Variants in KMT2C observed in about 807,000 individuals in gnomAD.
The protein encoded by KMT2C is lysine methyltransferase 2C, also known as histone-lysine N-methyltransferase 2C.
In KMT2C, 88 loss-of-function variants were observed where a neutral mutation model predicts 507.9. That is an observed-to-expected ratio of 0.17 (90% CI 0.15 to 0.21). The LOEUF is 0.21. Among genes scored for constraint, KMT2C ranks in the 10% least tolerant of loss-of-function variants. The pLI, the probability that KMT2C is intolerant of heterozygous loss-of-function variation, is 1.00. For synonymous variants in KMT2C, 2,049 were observed against 2,080.8 expected (o/e 0.98, Z 0.42); for missense variants, 4,954 against 5,957.8 (o/e 0.83, Z 5.55).
chr7:152,175,141 G>T (rs555664363), intron 38 of KMT2C, among the ~76,000 whole-genome samples: 3 of 96,868 alleles, frequency 3.1e-5, no homozygotes, highest in Non-Finnish European at 5.8e-5. Context: ...AAAACTCTTC[G>T]TTGTTTTCAT....
In KMT2C at chr7:152,341,235, G is replaced by A. The variant is rs375611395; in HGVS notation, c.251-10496C>T. Among the ~76,000 whole-genome samples the A allele has an allele frequency of 4.1e-4, 63 of 152,264 alleles. 1 individual carries two copies. The highest frequency in any genetic ancestry group is 1.5e-3 in the African/African-American group (61 of 41,558). The stretch of plus-strand genomic sequence containing the variant: ...GATGCCAGCAGAGCAGAACTGCCCA[G>A]CCAAGCCTGACCTAAATTCCTAACC... On this transcript the variant is annotated intron_variant, in intron 2 of 58. Coordinates refer to ENST00000262189, the MANE Select transcript of KMT2C (RefSeq NM_170606.3).
chr7:152,193,135 C>T (rs1283889884), intron 31 of KMT2C, among the ~76,000 whole-genome samples: 1 of 152,150 alleles, frequency 6.6e-6, no homozygotes, highest in African/African-American at 2.4e-5. Context: ...GTGTTCACAC[C>T]ACTGCATGTC....
intron 31 of KMT2C, among the ~76,000 whole-genome samples, chr7:152,189,053 A>G (rs2093712785): frequency 6.6e-6 from 1 of 152,150 alleles, no homozygotes. Context: ...CAGCCCCCAA[A>G]CACATTTGAA....
chr7:152,247,561 G>A (rs1259988801), intron 14 of KMT2C, among the ~76,000 whole-genome samples: 1 of 152,310 alleles, frequency 6.6e-6, no homozygotes, highest in Non-Finnish European at 1.5e-5. Context: ...GTTAGTTACT[G>A]TATACCCAAA....
At chr7:152,332,609 G>A (rs1210664093) in intron 2 of KMT2C, among the ~76,000 whole-genome samples, 1 of 152,258 alleles carries the variant, frequency 6.6e-6, no homozygotes, top group African/African-American at 2.4e-5. Flanking sequence ...ACTTTGGGAG[G>A]CCAAGGTGGG....
rs2129120428 is a variant in KMT2C at position 152,181,839 on chromosome 7, A to G, written c.6021T>C (p.Phe2007=). 6.2e-7 allele frequency: 1 copy of G among 1,614,148 alleles called. No homozygotes were observed. Among genetic ancestry groups the G allele is most frequent in the Non-Finnish European group, 8.5e-7 (1 of 1,180,016 alleles). The stretch of plus-strand genomic sequence containing the variant: ...CATCTGCCCTAGGAGATGGTTTAGT[A>G]AAGTGATCACTGGTTCCAGCTGCTA... ...GPIAAGTSDH[F]TKPSPRADVF... is the part of the protein sequence containing the mutation. The change falls in exon 36 of 59, where the codon TTT becomes TTC. Residue 2007 remains phenylalanine, a synonymous_variant. Transcript: ENST00000262189.
chr7:152,348,983 T>G (rs1032261299), intron 2 of KMT2C, among the ~76,000 whole-genome samples: 21 of 152,194 alleles, frequency 1.4e-4, no homozygotes, highest in African/African-American at 3.6e-4. Context: ...GTTGAAAACT[T>G]ACATCCACAA....
intron 1 of KMT2C, among the ~76,000 whole-genome samples, chr7:152,380,589 C>A (rs1429013839): frequency 1.3e-5 from 2 of 149,158 alleles, no homozygotes; most frequent in Admixed American, 1.3e-4. Context: ...AAAAAAAAAA[C>A]TAGCCGGGCA....
intron 9 of KMT2C, among the ~76,000 whole-genome samples, chr7:152,255,123 A>ATATATG (rs1554583720): frequency 8.9e-6 from 1 of 112,632 alleles, no homozygotes; most frequent in Non-Finnish European, 1.7e-5. Context: ...ATATATATAT[A>ATATATG]TATATATATA....
intron 5 of KMT2C, among the ~76,000 whole-genome samples, 192 bp downstream of exon 5, chr7:152,311,606 G>A (rs1217306992): frequency 6.6e-6 from 1 of 151,930 alleles, no homozygotes; most frequent in African/African-American, 2.4e-5. Context: ...GTCCGGTGGT[G>A]GTACTGTACA....
chr7:152,164,142 T>C (rs2092608365), intron 42 of KMT2C, among the ~76,000 whole-genome samples: 1 of 152,116 alleles, frequency 6.6e-6, no homozygotes, highest in African/African-American at 2.4e-5. Context: ...ATACTATACA[T>C]AAAAAATATA....
intron 28 of KMT2C, chr7:152,195,604 C>G (rs988127505): frequency 1.1e-6 from 1 of 939,892 alleles, no homozygotes; most frequent in Non-Finnish European, 1.3e-6. Context: ...TGGATGATTA[C>G]CACAGGAGCA....
rs549942776 is a variant in KMT2C at position 152,283,338 on chromosome 7, G to A, written c.850-9471C>T. Among the ~76,000 whole-genome samples, 6 of 152,306 alleles carry A rather than the reference G, an allele frequency of 3.9e-5. No individual in the cohort carries two copies. The East Asian group carries it at 7.7e-4, about 20-fold the overall frequency. ...AGAAGAGTTAAATACTTCAAAAAGTGGGAAAAAATTTAAAAGCTTTCATTT... is the reference window on the plus strand; with the variant it reads ...AGAAGAGTTAAATACTTCAAAAAGTAGGAAAAAATTTAAAAGCTTTCATTT... On this transcript the variant is annotated intron_variant, in intron 6 of 58. Transcript: ENST00000262189.
chr7:152,258,624 A>C (rs2095703492), intron 9 of KMT2C, among the ~76,000 whole-genome samples: 1 of 152,076 alleles, frequency 6.6e-6, no homozygotes, highest in Non-Finnish European at 1.5e-5. Flanking sequence ...TCCCGGGTTC[A>C]AGCAATTCTC....
At chr7:152,182,860 C>A in intron 35 of KMT2C, 114 bp downstream of exon 35, 1 of 779,172 alleles carries the variant, frequency 1.3e-6, no homozygotes, top group Non-Finnish European at 2.0e-6. Context: ...ACAAGTCTAT[C>A]CTAAATCAAA....
intron 1 of KMT2C, among the ~76,000 whole-genome samples, chr7:152,380,601 A>C (rs1212613821): frequency 2.0e-5 from 3 of 151,316 alleles, no homozygotes; most frequent in African/African-American, 4.9e-5. Flanking sequence ...AGCCGGGCAC[A>C]GTATTGCGCA....
chr7:152,205,395 C>CAA (rs35077313), intron 24 of KMT2C, among the ~76,000 whole-genome samples, 170 bp from the exon 25 acceptor site: 124 of 57,192 alleles, frequency 2.2e-3, no homozygotes, highest in African/African-American at 3.8e-3. Context: ...TAAAAACGAC[C>CAA]AAAAAAAAAA....
In KMT2C at chr7:152,136,748, C is replaced by A. The variant is rs186692085; in HGVS notation, c.*84G>T. 6 of 975,750 alleles carry A rather than the reference C, an allele frequency of 6.1e-6. No individual in the cohort carries two copies. Among genetic ancestry groups the A allele is most frequent in the Non-Finnish European group, 9.8e-6 (6 of 610,028 alleles). The allele number at this position is 975,750 out of a possible 1,614,324, so 60.4% of individuals were successfully genotyped here. A position where few individuals can be genotyped will look rare whatever the true frequency, so the allele number is the denominator to read the frequency against. On this transcript the variant is annotated 3_prime_UTR_variant, in exon 59 of 59. Transcript: ENST00000262189. Reference sequence around the variant, plus strand: ...GTCATAAAACAGAAAACAAAAATCTCTTTCTGTCTGCAAAATTCCAATGGT... The same window carrying A: ...GTCATAAAACAGAAAACAAAAATCTATTTCTGTCTGCAAAATTCCAATGGT...
intron 6 of KMT2C, among the ~76,000 whole-genome samples, chr7:152,275,354 C>T (rs1320096990): frequency 6.6e-6 from 1 of 152,154 alleles, no homozygotes; most frequent in African/African-American, 2.4e-5. Flanking sequence ...ACCATCCTGG[C>T]TAACACAGTG....
Sources: gnomAD v4.1 joint callset for allele counts (sites outside exome capture counted in the v4.1 genomes callset) on GRCh38, gnomAD v4.1.1 for gene constraint, MANE v1.5 for transcripts, NCBI Gene and HGNC (gene_info 2026-07-23, HGNC 2026-07-21) for gene names.